The following FTO variants were observed in gnomAD, a reference collection of about 807,000 sequenced individuals.
FTO encodes the protein alpha-ketoglutarate-dependent dioxygenase FTO.
A neutral mutation model predicts 63.9 loss-of-function variants in FTO; 47 were observed. The observed-to-expected ratio is 0.74, with a 90% CI of 0.58 to 0.94. The LOEUF is 0.94. FTO is among the 40% of genes least tolerant of loss of function. The pLI is 0.00. For missense variants in FTO, 562 were observed against 618.1 expected, an observed-to-expected ratio of 0.91 and a Z score of 0.96; for synonymous variants, 207 against 224.4, an observed-to-expected ratio of 0.92 and a Z score of 0.69.
intron 1 of FTO, among the ~76,000 whole-genome samples, chr16:53,787,855 T>G (rs1466299478): frequency 6.6e-6 from 1 of 152,214 alleles, no homozygotes; most frequent in Non-Finnish European, 1.5e-5. Context: ...TCAAAGACAC[T>G]GAACTATTCA....
At chr16:53,998,517 C>T (rs1351179365) in intron 8 of FTO, 1 of 152,152 alleles carries the variant, frequency 6.6e-6, no homozygotes, top group Non-Finnish European at 1.5e-5. Flanking sequence ...AACAGAAAAC[C>T]CAACTTAAAT....
At chr16:53,849,070 G>A (rs1414638925) in intron 4 of FTO, among the ~76,000 whole-genome samples, 3 of 152,178 alleles carry the variant, frequency 2.0e-5, no homozygotes, top group African/African-American at 7.2e-5. Context: ...TAAATGCATA[G>A]CCCTTCTTTT....
Position 53,870,310 on chromosome 16 carries a change from G to C in FTO, c.896-3476G>C, listed in dbSNP as rs531320685. Reference sequence around the variant, plus strand: ...TTTTGGATCTTCACTGTGAGAACCTGTTAGAGCTTTTGGAGATAAAACTCA... The same window carrying C: ...TTTTGGATCTTCACTGTGAGAACCTCTTAGAGCTTTTGGAGATAAAACTCA... On this transcript the variant is annotated intron_variant, in intron 4 of 8. Transcript: ENST00000471389. Among the ~76,000 whole-genome samples, 111 of 152,278 alleles carry C rather than the reference G, an allele frequency of 7.3e-4. 1 individual carries two copies. The highest frequency in any genetic ancestry group is 2.6e-3 in the African/African-American group (108 of 41,554).
At chr16:53,742,929 C>G (rs2076559746) in intron 1 of FTO, among the ~76,000 whole-genome samples, 1 of 152,114 alleles carries the variant, frequency 6.6e-6, no homozygotes, top group South Asian at 2.1e-4. Context: ...AGCCCCTGGT[C>G]TCTTCATCTC....
At chr16:53,870,555 A>G (rs890361221) in intron 4 of FTO, among the ~76,000 whole-genome samples, 4 of 152,212 alleles carry the variant, frequency 2.6e-5, no homozygotes, top group African/African-American at 9.6e-5. Context: ...ACAAAATTAC[A>G]TCTCATTGAA....
At chr16:53,973,044 T>A (rs1249761301) in intron 8 of FTO, among the ~76,000 whole-genome samples, 16 of 152,134 alleles carry the variant, frequency 1.1e-4, no homozygotes, top group African/African-American at 3.9e-4. Flanking sequence ...TTGACTCAGC[T>A]CCATACAAAA....
intron 8 of FTO, among the ~76,000 whole-genome samples, chr16:54,101,178 A>C (rs150881439): frequency 1.8e-3 from 281 of 151,980 alleles, no homozygotes; most frequent in African/African-American, 6.5e-3. Context: ...GGTTTGTTAC[A>C]TAGGTAAACA....
intron 1 of FTO, among the ~76,000 whole-genome samples, chr16:53,727,040 G>A (rs1169132250): frequency 1.3e-5 from 2 of 152,190 alleles, no homozygotes; most frequent in African/African-American, 4.8e-5. Context: ...TCAGGAGAAA[G>A]AAGTTTCCCC....
intron 7 of FTO, among the ~76,000 whole-genome samples, chr16:53,931,240 C>T (rs2082273698): frequency 6.7e-6 from 1 of 150,342 alleles, no homozygotes; most frequent in African/African-American, 2.5e-5. Context: ...TCATTTGATG[C>T]ATTTTTGCAT....
intron 8 of FTO, among the ~76,000 whole-genome samples, chr16:54,099,300 T>G (rs1199413787): frequency 6.6e-6 from 1 of 152,228 alleles, no homozygotes; most frequent in Admixed American, 6.5e-5. Context: ...GTGTTTGTTT[T>G]CATTGTTGCC....
At chr16:53,835,915 A>T (rs1018686339) in intron 3 of FTO, among the ~76,000 whole-genome samples, 2 of 119,458 alleles carry the variant, frequency 1.7e-5, no homozygotes. Context: ...TTTGAGATGG[A>T]GTTTTGCTCT....
At chr16:54,052,172 C>T (rs1262566649) in intron 8 of FTO, among the ~76,000 whole-genome samples, 1 of 152,192 alleles carries the variant, frequency 6.6e-6, no homozygotes, top group Non-Finnish European at 1.5e-5. Context: ...AGGCAATTGA[C>T]AGAGACGCCA....
chr16:54,005,157 C>T (rs2084170987), intron 8 of FTO, among the ~76,000 whole-genome samples: 1 of 148,858 alleles, frequency 6.7e-6, no homozygotes, highest in African/African-American at 2.4e-5. Context: ...TTCTTGTCTT[C>T]ATAGCTAAGA....
intron 1 of FTO, among the ~76,000 whole-genome samples, chr16:53,719,035 A>C (rs937658241): frequency 3.3e-5 from 5 of 152,180 alleles, no homozygotes; most frequent in African/African-American, 1.2e-4. Context: ...TGATGGGGAT[A>C]AGATCACAGT....
intron 1 of FTO, among the ~76,000 whole-genome samples, chr16:53,714,152 C>T (rs1401180968): frequency 6.6e-6 from 1 of 152,212 alleles, no homozygotes; most frequent in Non-Finnish European, 1.5e-5. Context: ...TATGTTGCAG[C>T]TGCTCTGAGG....
intron 1 of FTO, among the ~76,000 whole-genome samples, chr16:53,714,945 C>T (rs965328728): frequency 3.3e-5 from 5 of 152,178 alleles, no homozygotes; most frequent in African/African-American, 9.6e-5. Context: ...TGAAGGAGAA[C>T]GAAGACACGC....
intron 4 of FTO, among the ~76,000 whole-genome samples, chr16:53,849,089 T>C (rs2151829020): frequency 6.6e-6 from 1 of 152,324 alleles, no homozygotes; most frequent in Middle Eastern, 3.4e-3. Flanking sequence ...TTTTGGTTTT[T>C]CTTTACCTTG....
At chr16:53,774,946 G>A (rs1020030550) in intron 1 of FTO, among the ~76,000 whole-genome samples, 1 of 152,148 alleles carries the variant, frequency 6.6e-6, no homozygotes, top group Non-Finnish European at 1.5e-5. Flanking sequence ...TGACTATGTT[G>A]CCTGCAGAAA....
chr16:54,079,451 C>T (rs939858239), intron 8 of FTO, among the ~76,000 whole-genome samples: 15 of 152,132 alleles, frequency 9.9e-5, no homozygotes, highest in Admixed American at 6.6e-5. Context: ...AAACAAACGA[C>T]GAACAGACTT....
Sources: allele counts gnomAD v4.1 joint callset (sites outside exome capture counted in the v4.1 genomes callset), GRCh38; gene constraint gnomAD v4.1.1; transcripts MANE v1.5; gene names NCBI Gene and HGNC (gene_info 2026-07-23, HGNC 2026-07-21).